The following JARID2 variants were observed in gnomAD, a reference collection of about 807,000 sequenced individuals.
The protein encoded by JARID2 is jumonji and AT-rich interaction domain containing 2.
Under a neutral mutation model 125.6 loss-of-function variants are expected in JARID2, and 21 were observed. That is an observed-to-expected ratio of 0.17 (90% confidence interval 0.12 to 0.24). The LOEUF (loss-of-function observed/expected upper bound fraction) is 0.24. JARID2 is among the 10% of genes least tolerant of loss of function. The probability of loss-of-function intolerance (pLI) is 1.00; values close to 1 mark genes in which losing one functional copy is unlikely to be tolerated. For missense variants in JARID2, 1,303 were observed against 1,639.6 expected (o/e 0.79, Z 3.55); for synonymous variants, 736 against 661.6 (o/e 1.11, Z -1.73).
chr6:15,375,426 G>A (rs771006392), intron 2 of JARID2, among the ~76,000 whole-genome samples: 29 of 152,284 alleles, frequency 1.9e-4, no homozygotes, highest in African/African-American at 2.6e-4. Context: ...TCATGTGTGC[G>A]TCTCTCAACA....
Position 15,517,143 on chromosome 6 carries a change from T to C in JARID2, c.3451-18T>C, listed in dbSNP as rs971904119. 1 of 1,592,686 alleles carries C rather than the reference T, an allele frequency of 6.3e-7. No individual in the cohort carries two copies. The highest frequency in any genetic ancestry group is 1.3e-5 in the African/African-American group (1 of 74,470). On this transcript the variant is annotated intron_variant, in intron 16 of 17. Transcript: ENST00000341776. ...GGAGCTGCCTCCTGACCTTCGGGTG[T>C]CCTGCTCTTGCTTGCAGGTGGTACA...
intron 16 of JARID2, among the ~76,000 whole-genome samples, chr6:15,515,437 CCTTCAGAAA>C (rs1288743014): frequency 2.6e-5 from 4 of 152,150 alleles, no homozygotes; most frequent in Non-Finnish European, 5.9e-5. Flanking sequence ...TTCAAGCCAT[CCTTCAGAAA>C]CTTCAGAGTT....
intron 1 of JARID2, among the ~76,000 whole-genome samples, chr6:15,344,472 A>T (rs535973718): frequency 1.3e-5 from 2 of 151,850 alleles, no homozygotes; most frequent in Admixed American, 1.3e-4. Flanking sequence ...AAAAAAAACC[A>T]ACGCAGCTGT....
intron 7 of JARID2, among the ~76,000 whole-genome samples, chr6:15,500,670 C>T (rs545964175): frequency 6.6e-6 from 1 of 152,254 alleles, no homozygotes; most frequent in Admixed American, 6.5e-5. Context: ...CAGACGCTCC[C>T]CACCTAAAAT....
intron 1 of JARID2, among the ~76,000 whole-genome samples, chr6:15,283,558 G>T (rs566218217): frequency 1.5e-3 from 224 of 150,616 alleles, no homozygotes; most frequent in Non-Finnish European, 2.4e-3. Context: ...TAGCCAGGAC[G>T]GTCTCGATCT....
intron 4 of JARID2, 117 bp from the exon 5 acceptor site, chr6:15,468,425 G>T: frequency 2.4e-6 from 2 of 824,980 alleles, no homozygotes; most frequent in Non-Finnish European, 1.8e-6. Context: ...ATTTAAAATG[G>T]CAGTAGAGAT....
intron 1 of JARID2, among the ~76,000 whole-genome samples, chr6:15,311,889 C>G (rs1158547532): frequency 2.0e-5 from 3 of 152,042 alleles, no homozygotes; most frequent in Non-Finnish European, 4.4e-5. Flanking sequence ...ACATTTGGAC[C>G]AGGTCCCTGG....
At chr6:15,264,274 G>T (rs914677918) in intron 1 of JARID2, among the ~76,000 whole-genome samples, 12 of 152,206 alleles carry the variant, frequency 7.9e-5, no homozygotes, top group African/African-American at 2.7e-4. Flanking sequence ...ACACCAGTGT[G>T]TCCGTCAGTA....
intron 3 of JARID2, among the ~76,000 whole-genome samples, chr6:15,415,417 A>AGAGGCGCCCCTCACCTCCCG (rs1561847048): frequency 7.0e-6 from 1 of 143,856 alleles, no homozygotes; most frequent in African/African-American, 2.6e-5. Flanking sequence ...CTCACCTCCC[A>AGAGGCGCCCCTCACCTCCCG]GACGGGGCGG....
chr6:15,473,919 C>T (rs918229359), intron 5 of JARID2, among the ~76,000 whole-genome samples: 8 of 152,088 alleles, frequency 5.3e-5, no homozygotes, highest in East Asian at 1.9e-4. Context: ...TCAAATGACC[C>T]GGGGGAACAT....
At chr6:15,264,998 C>A (rs1483210652) in intron 1 of JARID2, among the ~76,000 whole-genome samples, 2 of 152,190 alleles carry the variant, frequency 1.3e-5, no homozygotes, top group Non-Finnish European at 2.9e-5. Context: ...ATCACCACAG[C>A]TGCTGTGGGG....
intron 1 of JARID2, among the ~76,000 whole-genome samples, chr6:15,366,046 C>T (rs899322023): frequency 6.6e-6 from 1 of 152,162 alleles, no homozygotes; most frequent in African/African-American, 2.4e-5. Flanking sequence ...ACCCCCAACC[C>T]CATTTTTGTT....
At position 15,516,756 on chromosome 6, in the gene JARID2, G is replaced by A. The variant is rs373374539; in HGVS notation, c.3451-405G>A. On this transcript the variant is annotated intron_variant, in intron 16 of 17. Coordinates refer to ENST00000341776, the MANE Select transcript of JARID2 (RefSeq NM_004973.4). ...ATGTTCCACATCTATTCCAGCACTA[G>A]GGTGGTTTCAAACACAGGATCTCAG... Among the ~76,000 whole-genome samples the A allele has an allele frequency of 3.3e-5, 5 of 152,298 alleles. No individual in the cohort carries two copies. In the East Asian group the frequency reaches 9.7e-4, roughly 29 times the overall value.
At chr6:15,298,376 G>A (rs1380400497) in intron 1 of JARID2, among the ~76,000 whole-genome samples, 2 of 152,116 alleles carry the variant, frequency 1.3e-5, no homozygotes, top group African/African-American at 2.4e-5. Flanking sequence ...CATTGCTACA[G>A]TGAGAACTCA....
chr6:15,412,542 C>A (rs1478388089), intron 3 of JARID2, among the ~76,000 whole-genome samples: 1 of 152,158 alleles, frequency 6.6e-6, no homozygotes, highest in East Asian at 1.9e-4. Context: ...CTCCCAGCCT[C>A]AAGTGACCCA....
intron 1 of JARID2, among the ~76,000 whole-genome samples, chr6:15,336,228 G>C (rs1561799590): frequency 6.6e-6 from 1 of 152,338 alleles, no homozygotes; most frequent in East Asian, 1.9e-4. Flanking sequence ...AAACAGGTGG[G>C]GAATCTGAGG....
intron 1 of JARID2, among the ~76,000 whole-genome samples, chr6:15,253,594 C>G (rs923796376): frequency 6.6e-6 from 1 of 152,060 alleles, no homozygotes; most frequent in Non-Finnish European, 1.5e-5. Context: ...CGACTGGCAG[C>G]TCGACTACCA....
intron 1 of JARID2, among the ~76,000 whole-genome samples, chr6:15,258,562 T>C (rs1054019983): frequency 1.3e-5 from 2 of 152,154 alleles, no homozygotes; most frequent in Non-Finnish European, 2.9e-5. Context: ...GGCGGGCGGA[T>C]CACAAGGTCA....
At chr6:15,509,433 G>A (rs1771168819) in intron 12 of JARID2, 3 of 853,890 alleles carry the variant, frequency 3.5e-6, no homozygotes, top group Non-Finnish European at 4.2e-6. Flanking sequence ...CTGTTCTGGT[G>A]AGTGGTGCTG....
Sources: gnomAD v4.1 joint callset for allele counts (sites outside exome capture counted in the v4.1 genomes callset) on GRCh38, gnomAD v4.1.1 for gene constraint, MANE v1.5 for transcripts, NCBI Gene and HGNC (gene_info 2026-07-23, HGNC 2026-07-21) for gene names.